Variants in MAGI2 observed in about 807,000 individuals in gnomAD.
MAGI2 encodes the protein membrane-associated guanylate kinase, WW and PDZ domain-containing protein 2.
MAGI2 carries 35 observed loss-of-function variants against 133.3 expected under a neutral mutation model. That is an observed-to-expected ratio of 0.26 (90% CI 0.20 to 0.35). The LOEUF is 0.35. MAGI2 is among the 10% of genes least tolerant of loss of function. The pLI is 1.00. For missense variants in MAGI2, 1,636 were observed against 1,863.4 expected, an observed-to-expected ratio of 0.88 and a Z score of 2.25; for synonymous variants, 729 against 710.6, an observed-to-expected ratio of 1.03 and a Z score of -0.41.
chr7:79,145,795 G>T (rs1033548700), intron 1 of MAGI2, among the ~76,000 whole-genome samples: 6 of 152,158 alleles, frequency 3.9e-5, no homozygotes, highest in Non-Finnish European at 8.8e-5. Flanking sequence ...TCTAACCAAG[G>T]CTGATGCTAG....
chr7:79,069,742 C>T (rs1418551008), intron 1 of MAGI2, among the ~76,000 whole-genome samples: 1 of 152,166 alleles, frequency 6.6e-6, no homozygotes, highest in African/African-American at 2.4e-5. Flanking sequence ...GTGGCTGCTA[C>T]TGCTTGTTCC....
intron 1 of MAGI2, among the ~76,000 whole-genome samples, chr7:79,288,185 C>T (rs904604370): frequency 6.6e-6 from 1 of 152,080 alleles, no homozygotes; most frequent in Non-Finnish European, 1.5e-5. Context: ...TGGCTCTGTC[C>T]CAAAGCAGCT....
intron 21 of MAGI2, among the ~76,000 whole-genome samples, chr7:78,069,527 AAGAAAGAGAGAGGAG>A (rs1225863750): frequency 1.7e-5 from 2 of 119,078 alleles, no homozygotes; most frequent in African/African-American, 6.4e-5. Flanking sequence ...GAGAGATTGA[AAGAAAGAGAGAGGAG>A]AGAGAGAGAG....
intron 9 of MAGI2, among the ~76,000 whole-genome samples, chr7:78,329,449 C>T (rs981825855): frequency 6.6e-6 from 1 of 152,194 alleles, no homozygotes; most frequent in Admixed American, 6.6e-5. Flanking sequence ...CACTTATATT[C>T]CACATACCTG....
intron 1 of MAGI2, among the ~76,000 whole-genome samples, chr7:79,326,104 A>G (rs907328610): frequency 7.9e-5 from 12 of 152,168 alleles, no homozygotes; most frequent in African/African-American, 2.9e-4. Context: ...TTAAATGTTA[A>G]ATGTTTTAAT....
chr7:79,446,448 C>T (rs114485259), intron 1 of MAGI2, among the ~76,000 whole-genome samples: 3,054 of 152,028 alleles, frequency 0.02, 117 homozygotes, highest in African/African-American at 0.07. Context: ...TATTTAGGCT[C>T]AAACTGCCAT....
In MAGI2 at chr7:78,195,002, G is replaced by T. The variant is rs778878537; in HGVS notation, c.2141C>A (p.Pro714Gln). ...GGCAGGTGGGAAGGGCAGGTTCTGC[G>T]GTATGGCCGGAGCAGATAAACTCGT... ...PQTSLSAPAI[P>Q]QNLPFPPALH... Residue 714 changes from proline (P) to glutamine (Q), a missense_variant, in exon 12 of 22, where the codon CCG (proline) becomes CAG (glutamine). Around this residue, in one of 5 missense-constraint regions of MAGI2, gnomAD observed 920 missense variants for 1,093.5 expected, o/e 0.84. Coordinates refer to ENST00000354212, the MANE Select transcript of MAGI2 (RefSeq NM_012301.4). 3 of 1,613,888 alleles carry T rather than the reference G, an allele frequency of 1.9e-6. No individual in the cohort carries two copies. Among genetic ancestry groups the T allele is most frequent in the East Asian group, 2.2e-5 (1 of 44,886 alleles).
At chr7:78,608,244 A>AC in intron 3 of MAGI2, among the ~76,000 whole-genome samples, 1 of 151,848 alleles carries the variant, frequency 6.6e-6, no homozygotes, top group Non-Finnish European at 1.5e-5. Context: ...TCATAGCATA[A>AC]CCCTTCAAAT....
chr7:78,177,689 T>C (rs542670592), intron 14 of MAGI2, among the ~76,000 whole-genome samples: 1 of 152,298 alleles, frequency 6.6e-6, no homozygotes, highest in South Asian at 2.1e-4. Context: ...GTGTTACCTC[T>C]ACTCATAAAC....
At chr7:79,202,232 T>C (rs903381521) in intron 1 of MAGI2, among the ~76,000 whole-genome samples, 6 of 151,936 alleles carry the variant, frequency 3.9e-5, no homozygotes, top group African/African-American at 1.2e-4. Flanking sequence ...TTGCTTCCTT[T>C]GTTTTTGTAA....
chr7:78,618,555 C>A (rs1807355912), intron 3 of MAGI2: 1 of 151,722 alleles, frequency 6.6e-6, no homozygotes, highest in Admixed American at 6.6e-5. Flanking sequence ...TTCTTCTTCC[C>A]ACTCAAAGGA....
intron 2 of MAGI2, among the ~76,000 whole-genome samples, chr7:78,835,831 G>T (rs1375339299): frequency 6.6e-6 from 1 of 152,116 alleles, no homozygotes; most frequent in Non-Finnish European, 1.5e-5. Flanking sequence ...GACAAACGTT[G>T]GTCTGAGCCA....
At chr7:78,198,557 G>A (rs1828948443) in intron 11 of MAGI2, among the ~76,000 whole-genome samples, 1 of 149,846 alleles carries the variant, frequency 6.7e-6, no homozygotes, top group Non-Finnish European at 1.5e-5. Flanking sequence ...TCAGTCTCCC[G>A]AGTAGCTGGG....
intron 1 of MAGI2, among the ~76,000 whole-genome samples, chr7:79,432,739 T>C (rs185992423): frequency 4.6e-5 from 7 of 152,316 alleles, no homozygotes; most frequent in Admixed American, 2.6e-4. Flanking sequence ...GTTTAGTCTA[T>C]TCCCCTGTCA....
At position 78,168,101 on chromosome 7, in the gene MAGI2, A is replaced by G. The variant is rs1261447456; in HGVS notation, c.2411T>C (p.Ile804Thr). The change falls in exon 15 of 22, where the codon ATT (isoleucine) becomes ACT (threonine). Residue 804 changes from isoleucine (I) to threonine (T), a missense_variant. Physicochemically the swap from Ile to Thr is moderately conservative, Grantham distance 89. This residue lies in a region of MAGI2 where 920 missense variants were observed against 1,093.5 expected (regional missense o/e 0.84). Transcript: ENST00000354212. Reference sequence around the variant, plus strand: ...TGAGCCCATGGCAATGACAGCTCCAATCAAAATCTAGAGAAGCAGTGAGAA... The same window carrying G: ...TGAGCCCATGGCAATGACAGCTCCAGTCAAAATCTAGAGAAGCAGTGAGAA... ...GGDEPGQPILIGAVIAMGSAD... is the reference protein window; with the variant it reads ...GGDEPGQPILTGAVIAMGSAD... The G allele has an allele frequency of 1.2e-6, 2 of 1,613,388 alleles. No homozygotes were observed. The highest frequency in any genetic ancestry group is 1.1e-5 in the South Asian group (1 of 91,046).
chr7:78,578,946 A>G (rs1045457759), intron 3 of MAGI2, among the ~76,000 whole-genome samples: 1 of 152,106 alleles, frequency 6.6e-6, no homozygotes, highest in East Asian at 1.9e-4. Flanking sequence ...AGCTTTTCCC[A>G]ATCACTTTTT....
At chr7:78,362,170 C>T (rs543186877) in intron 7 of MAGI2, among the ~76,000 whole-genome samples, 2 of 151,982 alleles carry the variant, frequency 1.3e-5, no homozygotes, top group Admixed American at 6.6e-5. Context: ...AGTGTGGTAG[C>T]GCACACCTGT....
intron 14 of MAGI2, among the ~76,000 whole-genome samples, chr7:78,171,896 TG>T (rs1826143180): frequency 2.3e-5 from 2 of 88,574 alleles, no homozygotes; most frequent in South Asian, 3.2e-4. Flanking sequence ...TTTGTTTGTT[TG>T]TTTGTTTTTT....
chr7:79,302,659 C>T (rs931542461), intron 1 of MAGI2, among the ~76,000 whole-genome samples: 19 of 152,108 alleles, frequency 1.2e-4, no homozygotes, highest in Non-Finnish European at 1.9e-4. Context: ...GAAGCCATTA[C>T]GGATTAGTAA....
Sources: gnomAD v4.1 joint callset for allele counts (sites outside exome capture counted in the v4.1 genomes callset) on GRCh38, gnomAD v4.1.1 for gene constraint, gnomAD v4.1.1 regional missense constraint, MANE v1.5 for transcripts, NCBI Gene and HGNC (gene_info 2026-07-23, HGNC 2026-07-21) for gene names.